Variants in MYRIP observed in about 807,000 individuals in gnomAD.
MYRIP encodes rab effector MyRIP.
A neutral mutation model predicts 98.0 loss-of-function variants in MYRIP; 49 were observed. The ratio of observed to expected loss-of-function variants is 0.50; its 90% CI spans 0.40 to 0.63. MYRIP has a LOEUF of 0.63. MYRIP is among the 30% of genes least tolerant of loss of function. The probability of loss-of-function intolerance (pLI) is 0.00; values close to 1 mark genes in which losing one functional copy is unlikely to be tolerated. For synonymous variants in MYRIP, 404 were observed against 409.5 expected, an observed-to-expected ratio of 0.99 and a Z score of 0.16; for missense variants, 1,004 against 1,058.2, an observed-to-expected ratio of 0.95 and a Z score of 0.71.
chr3:40,130,569 A>G (rs990706846), intron 3 of MYRIP, among the ~76,000 whole-genome samples: 1 of 151,220 alleles, frequency 6.6e-6, no homozygotes, highest in Non-Finnish European at 1.5e-5. Context: ...TTTAGTAGAG[A>G]CGGGGTTTCA....
At chr3:39,837,937 T>C (rs1021116726) in intron 1 of MYRIP, among the ~76,000 whole-genome samples, 5 of 152,252 alleles carry the variant, frequency 3.3e-5, no homozygotes, top group African/African-American at 9.6e-5. Flanking sequence ...TTCGCATCCC[T>C]TGTAAGTTGT....
chr3:39,839,056 A>T (rs894915623), intron 1 of MYRIP, among the ~76,000 whole-genome samples: 1 of 151,152 alleles, frequency 6.6e-6, no homozygotes, highest in Non-Finnish European at 1.5e-5. Flanking sequence ...ATTATTTTTT[A>T]TTGTGTCTAT....
At chr3:40,167,843 G>T (rs544483777) in intron 7 of MYRIP, among the ~76,000 whole-genome samples, 2 of 152,124 alleles carry the variant, frequency 1.3e-5, no homozygotes, top group African/African-American at 2.4e-5. Context: ...ACAGGTGAAC[G>T]GCCAGATGAA....
intron 11 of MYRIP, among the ~76,000 whole-genome samples, chr3:40,215,333 AT>A (rs538236385): frequency 9.2e-5 from 14 of 152,076 alleles, no homozygotes; most frequent in East Asian, 1.9e-4. Context: ...AGTAATTTTC[AT>A]TTTTTTCAAT....
intron 2 of MYRIP, among the ~76,000 whole-genome samples, chr3:39,967,043 A>G (rs1442745220): frequency 2.2e-4 from 34 of 152,242 alleles, no homozygotes; most frequent in Admixed American, 2.2e-3. Context: ...ACCTTAAAAT[A>G]ATGTAACCAT....
chr3:40,248,722 C>T (rs1174243717), intron 13 of MYRIP, among the ~76,000 whole-genome samples: 3 of 152,230 alleles, frequency 2.0e-5, no homozygotes, highest in Non-Finnish European at 2.9e-5. Flanking sequence ...AGCATCTAAT[C>T]CACACCAGTT....
intron 9 of MYRIP, among the ~76,000 whole-genome samples, chr3:40,182,716 A>T (rs1015279672): frequency 2.6e-5 from 4 of 152,172 alleles, no homozygotes; most frequent in Non-Finnish European, 4.4e-5. Context: ...TGCCTGTTCT[A>T]TGTGGACTAG....
chr3:39,899,062 C>T (rs1331574889), intron 1 of MYRIP, among the ~76,000 whole-genome samples: 1 of 152,106 alleles, frequency 6.6e-6, no homozygotes, highest in Non-Finnish European at 1.5e-5. Context: ...AGCTCTGAAG[C>T]CCCTATGTGA....
At chr3:40,199,351 T>C (rs907209888) in intron 10 of MYRIP, among the ~76,000 whole-genome samples, 1 of 152,174 alleles carries the variant, frequency 6.6e-6, no homozygotes, top group Non-Finnish European at 1.5e-5. Context: ...GGGGCCAAAA[T>C]GCACTGACCT....
intron 2 of MYRIP, among the ~76,000 whole-genome samples, chr3:39,952,446 T>A (rs1945042982): frequency 6.6e-6 from 1 of 152,230 alleles, no homozygotes; most frequent in Non-Finnish European, 1.5e-5. Context: ...ATGTGGTTTT[T>A]GCCCTTTTTT....
At chr3:40,149,775 A>G (rs1488390652) in intron 3 of MYRIP, among the ~76,000 whole-genome samples, 2 of 152,036 alleles carry the variant, frequency 1.3e-5, no homozygotes, top group Non-Finnish European at 1.5e-5. Flanking sequence ...TGTTACCTTT[A>G]TGCTATCATT....
chr3:40,181,739 ACTTATC>A (rs1251372039), intron 8 of MYRIP, among the ~76,000 whole-genome samples: 1 of 152,098 alleles, frequency 6.6e-6, no homozygotes, highest in African/African-American at 2.4e-5. Flanking sequence ...CATTTCTGCC[ACTTATC>A]CTTAGGTTAG....
chr3:39,888,102 C>T (rs1943361324), intron 1 of MYRIP, among the ~76,000 whole-genome samples: 1 of 152,038 alleles, frequency 6.6e-6, no homozygotes, highest in East Asian at 1.9e-4. Context: ...GGCCATACTT[C>T]CCAAGGTAAT....
At chr3:39,812,522 C>G (rs890467093) in intron 1 of MYRIP, among the ~76,000 whole-genome samples, 3 of 152,150 alleles carry the variant, frequency 2.0e-5, no homozygotes, top group African/African-American at 7.2e-5. Flanking sequence ...TCAATGGCGG[C>G]TGGTTTGTTC....
chr3:39,965,333 A>T lies in MYRIP; in HGVS notation c.110+64407A>T, dbSNP rs141090868. ...TGAATTGCATTAAAAGAAAAAATAA[A>T]GCATTTTATAGAACTAAGTGTGATT... On this transcript the variant is annotated intron_variant, in intron 2 of 16. Transcript: ENST00000302541. Among the ~76,000 whole-genome samples, 936 of 152,274 alleles carry T rather than the reference A, an allele frequency of 6.1e-3. 9 individuals carry two copies. The highest frequency in any genetic ancestry group is 0.021 in the African/African-American group (868 of 41,562).
chr3:40,036,317 A>AAC lies in MYRIP; in HGVS notation c.111-7732_111-7731insCA, dbSNP rs538955544. Among the ~76,000 whole-genome samples the AAC allele has an allele frequency of 2.2e-3, 332 of 149,530 alleles. 12 individuals are homozygous for AAC. The South Asian group carries it at 0.057, about 25-fold the overall frequency. ...CAACTGATACCAAAAAAAAAAAAAA[A>AAC]AAAAAAACTTTATTCAAAATGAGCT... On this transcript the variant is annotated intron_variant, in intron 2 of 16. Transcript: ENST00000302541.
In MYRIP at chr3:39,856,061, T is replaced by C. The variant is rs80278544; in HGVS notation, c.-30-44726T>C. The stretch of plus-strand genomic sequence containing the variant: ...GTGCAACTCCCTAAATTCATTTTAC[T>C]TCTAGGTAAGGTTAAATCCTTCTTT... On this transcript the variant is annotated intron_variant, in intron 1 of 16. Transcript: ENST00000302541. Among the ~76,000 whole-genome samples the C allele has an allele frequency of 7.9e-4, 120 of 152,296 alleles. 2 individuals are homozygous for C. The East Asian group carries it at 0.02, about 26-fold the overall frequency.
intron 3 of MYRIP, among the ~76,000 whole-genome samples, chr3:40,108,189 G>T (rs1440099636): frequency 8.4e-6 from 1 of 119,194 alleles, no homozygotes; most frequent in Non-Finnish European, 1.8e-5. Flanking sequence ...GAGAGAGAGA[G>T]AGAGAGAGAG....
At chr3:40,189,097 A>G (rs1233492531) in intron 9 of MYRIP, among the ~76,000 whole-genome samples, 1 of 152,180 alleles carries the variant, frequency 6.6e-6, no homozygotes, top group Non-Finnish European at 1.5e-5. Context: ...TCCGTGGCAC[A>G]ATCTATAGCC....
Sources: allele counts gnomAD v4.1 joint callset (sites outside exome capture counted in the v4.1 genomes callset), GRCh38; gene constraint gnomAD v4.1.1; transcripts MANE v1.5; gene names NCBI Gene and HGNC (gene_info 2026-07-23, HGNC 2026-07-21).